SLC4A10: variants seen among roughly 807,000 people sequenced by gnomAD.
The protein encoded by SLC4A10 is solute carrier family 4 member 10.
In SLC4A10, 42 loss-of-function variants were observed where a neutral mutation model predicts 137.7. That is an observed-to-expected ratio of 0.30 (90% CI 0.24 to 0.39). SLC4A10 has a LOEUF of 0.39. SLC4A10 is among the 10% of genes least tolerant of loss of function. The pLI, the probability that SLC4A10 is intolerant of heterozygous loss-of-function variation, is 1.00. For synonymous variants in SLC4A10, 474 were observed against 464.1 expected (o/e 1.02, Z -0.27); for missense variants, 925 against 1,355.0 (o/e 0.68, Z 4.98).
chr2:161,836,536 GAAAGAA>G (rs1251680250), intron 3 of SLC4A10, among the ~76,000 whole-genome samples: 141 of 8,736 alleles, frequency 0.016, 3 homozygotes, highest in East Asian at 0.039. Context: ...GAGAGAGAAA[GAAAGAA>G]AGAAAGAAAG....
chr2:161,934,423 G>A (rs1274684429), intron 15 of SLC4A10, among the ~76,000 whole-genome samples: 1 of 152,058 alleles, frequency 6.6e-6, no homozygotes, highest in Non-Finnish European at 1.5e-5. Flanking sequence ...TGCAAAGTCT[G>A]TCTTTCAGTG....
At chr2:161,639,945 A>G (rs904318415) in intron 1 of SLC4A10, among the ~76,000 whole-genome samples, 4 of 152,146 alleles carry the variant, frequency 2.6e-5, no homozygotes, top group African/African-American at 9.7e-5. Flanking sequence ...CAAAGTACAA[A>G]ATGCTAATTA....
At chr2:161,963,197 T>C (rs1207143872) in intron 21 of SLC4A10, among the ~76,000 whole-genome samples, 1 of 152,108 alleles carries the variant, frequency 6.6e-6, no homozygotes, top group East Asian at 1.9e-4. Context: ...CCTGTGTGCA[T>C]TTAATTTATA....
At chr2:161,922,910 A>C (rs1487554354) in intron 15 of SLC4A10, among the ~76,000 whole-genome samples, 1 of 152,218 alleles carries the variant, frequency 6.6e-6, no homozygotes, top group Non-Finnish European at 1.5e-5. Flanking sequence ...AAAAGACCTG[A>C]AAAATAAATG....
intron 3 of SLC4A10, among the ~76,000 whole-genome samples, chr2:161,810,174 G>C (rs2056400857): frequency 6.6e-6 from 1 of 151,936 alleles, no homozygotes; most frequent in African/African-American, 2.4e-5. Flanking sequence ...CTGATACAAT[G>C]TTATTGCTGT....
At chr2:161,830,161 C>CAAA (rs201494187) in intron 3 of SLC4A10, among the ~76,000 whole-genome samples, 16 of 103,760 alleles carry the variant, frequency 1.5e-4, no homozygotes, top group African/African-American at 5.5e-4. Context: ...GGAACTAAAG[C>CAAA]AAAAAAAAAA....
chr2:161,898,339 C>A (rs2105270906), intron 11 of SLC4A10, among the ~76,000 whole-genome samples: 1 of 152,196 alleles, frequency 6.6e-6, no homozygotes, highest in African/African-American at 2.4e-5. Context: ...TCATATTAGA[C>A]AGCATAGTTC....
chr2:161,717,746 A>C (rs1402914025), intron 1 of SLC4A10, among the ~76,000 whole-genome samples: 1 of 152,078 alleles, frequency 6.6e-6, no homozygotes, highest in Non-Finnish European at 1.5e-5. Context: ...TATTGGCCTG[A>C]AGTTTTCTTT....
At chr2:161,874,654 T>G (rs1021908143) in intron 8 of SLC4A10, among the ~76,000 whole-genome samples, 3 of 152,228 alleles carry the variant, frequency 2.0e-5, no homozygotes, top group Non-Finnish European at 2.9e-5. Context: ...AGCCCTCTAC[T>G]TAGTGTCAGC....
At chr2:161,633,611 T>G (rs1315532193) in intron 1 of SLC4A10, among the ~76,000 whole-genome samples, 2 of 151,790 alleles carry the variant, frequency 1.3e-5, no homozygotes, top group East Asian at 1.9e-4. Context: ...TCATTTAGAC[T>G]AATGACTCAG....
intron 21 of SLC4A10, among the ~76,000 whole-genome samples, chr2:161,959,260 A>G (rs1559629563): frequency 6.6e-6 from 1 of 152,240 alleles, no homozygotes; most frequent in Non-Finnish European, 1.5e-5. Flanking sequence ...AAATAAAGAT[A>G]TAAGCAGTTT....
At chr2:161,701,845 A>T (rs1482430511) in intron 1 of SLC4A10, among the ~76,000 whole-genome samples, 1 of 143,268 alleles carries the variant, frequency 7.0e-6, no homozygotes, top group Admixed American at 7.1e-5. Context: ...AATCAAAACC[A>T]CAACGAGATA....
intron 2 of SLC4A10, among the ~76,000 whole-genome samples, chr2:161,780,678 C>T (rs549363967): frequency 9.2e-5 from 14 of 151,840 alleles, no homozygotes; most frequent in South Asian, 4.1e-4. Context: ...TCTTTCATTT[C>T]GATTTAATCT....
chr2:161,946,288 T>G (rs751539251), intron 16 of SLC4A10, among the ~76,000 whole-genome samples: 18 of 152,012 alleles, frequency 1.2e-4, no homozygotes, highest in Non-Finnish European at 2.1e-4. Context: ...TTAACTATAT[T>G]TCTCAAGACT....
intron 1 of SLC4A10, among the ~76,000 whole-genome samples, chr2:161,712,185 C>G (rs1022925178): frequency 6.6e-6 from 1 of 151,824 alleles, no homozygotes; most frequent in African/African-American, 2.4e-5. Flanking sequence ...AGAATTGTGA[C>G]TTGATGAAAG....
intron 15 of SLC4A10, among the ~76,000 whole-genome samples, chr2:161,911,743 A>G (rs769982969): frequency 6.6e-6 from 1 of 152,096 alleles, no homozygotes; most frequent in African/African-American, 2.4e-5. Context: ...CACATATTGT[A>G]TGAACATGTT....
chr2:161,662,074 A>G (rs2038491823), intron 1 of SLC4A10, among the ~76,000 whole-genome samples: 3 of 152,182 alleles, frequency 2.0e-5, no homozygotes, highest in Admixed American at 2.0e-4. Context: ...TCCCTCATGC[A>G]GTAATCTAAT....
intron 1 of SLC4A10, among the ~76,000 whole-genome samples, chr2:161,711,362 T>C (rs1466636321): frequency 6.6e-6 from 1 of 151,746 alleles, no homozygotes; most frequent in African/African-American, 2.4e-5. Flanking sequence ...AACTTGGAAA[T>C]AAAGAGTAGC....
chr2:161,950,608 A>T, intron 18 of SLC4A10, 79 bp from the exon 19 acceptor site: 1 of 1,363,984 alleles, frequency 7.3e-7, no homozygotes, highest in East Asian at 2.5e-5. Context: ...GGGCTTTCCT[A>T]GTAGCATCTG....
Sources: gnomAD v4.1 joint callset for allele counts (sites outside exome capture counted in the v4.1 genomes callset) on GRCh38, gnomAD v4.1.1 for gene constraint, MANE v1.5 for transcripts, NCBI Gene and HGNC (gene_info 2026-07-23, HGNC 2026-07-21) for gene names.